DENND1A: variants seen among roughly 807,000 people sequenced by gnomAD.
DENND1A encodes the protein DENN domain containing 1A, also known as DENN domain-containing protein 1A.
Under a neutral mutation model 113.7 loss-of-function variants are expected in DENND1A, and 51 were observed. That is an observed-to-expected ratio of 0.45 (90% CI 0.36 to 0.57). DENND1A has a LOEUF of 0.57. Among genes scored for constraint, DENND1A ranks in the 20% least tolerant of loss-of-function variants. The probability of loss-of-function intolerance (pLI) is 0.00; values close to 1 mark genes in which losing one functional copy is unlikely to be tolerated. For missense variants in DENND1A, 1,258 were observed against 1,395.9 expected, an observed-to-expected ratio of 0.90 and a Z score of 1.57; for synonymous variants, 565 against 570.8, an observed-to-expected ratio of 0.99 and a Z score of 0.14.
At chr9:123,399,035 A>G (rs2043290248) in intron 21 of DENND1A, among the ~76,000 whole-genome samples, 1 of 151,108 alleles carries the variant, frequency 6.6e-6, no homozygotes, top group Non-Finnish European at 1.5e-5. Context: ...ACCTCAAGTG[A>G]CCCGCCCGCC....
chr9:123,633,450 A>G (rs1012590490), intron 9 of DENND1A, among the ~76,000 whole-genome samples: 1 of 152,076 alleles, frequency 6.6e-6, no homozygotes, highest in Non-Finnish European at 1.5e-5. Flanking sequence ...CAACATTCCC[A>G]TGAGTCTCAC....
At chr9:123,510,508 G>A (rs138170024) in intron 13 of DENND1A, among the ~76,000 whole-genome samples, 2 of 152,338 alleles carry the variant, frequency 1.3e-5, no homozygotes, top group Admixed American at 1.3e-4. Context: ...CACATGAGAT[G>A]GGCAGAGAAG....
intron 21 of DENND1A, among the ~76,000 whole-genome samples, chr9:123,390,362 C>A (rs1008649407): frequency 6.6e-6 from 1 of 152,222 alleles, no homozygotes; most frequent in African/African-American, 2.4e-5. Flanking sequence ...AAGTGCTCCC[C>A]CTCTGGGCTC....
rs1450345305 is a variant in DENND1A at position 123,671,386 on chromosome 9, A to C, written c.373-15T>G. The C allele has an allele frequency of 6.2e-7, 1 of 1,613,218 alleles. No individual in the cohort carries two copies. The highest frequency in any genetic ancestry group is 8.5e-7 in the Non-Finnish European group (1 of 1,179,704). Reference sequence around the variant, plus strand: ...CACTGATTTTCCTGAAAGAAATAAAAGGCCTAAGTAACAAAAGCAAGGCTG... The same window carrying C: ...CACTGATTTTCCTGAAAGAAATAAACGGCCTAAGTAACAAAAGCAAGGCTG... On this transcript the variant is annotated splice_polypyrimidine_tract_variant and intron_variant, in intron 6 of 23. Coordinates refer to ENST00000394215, the MANE Select transcript of DENND1A (RefSeq NM_001352964.2).
At chr9:123,615,519 G>C (rs1204805162) in intron 10 of DENND1A, among the ~76,000 whole-genome samples, 1 of 152,154 alleles carries the variant, frequency 6.6e-6, no homozygotes, top group Non-Finnish European at 1.5e-5. Context: ...CTCCTCCCCT[G>C]CTACCTTTTC....
chr9:123,854,117 T>C (rs1843788346), intron 2 of DENND1A, among the ~76,000 whole-genome samples: 1 of 152,104 alleles, frequency 6.6e-6, no homozygotes, highest in South Asian at 2.1e-4. Flanking sequence ...ATGAAAGTAT[T>C]TACAAATTCA....
chr9:123,782,010 C>A (rs904452856), intron 3 of DENND1A, among the ~76,000 whole-genome samples: 10 of 151,950 alleles, frequency 6.6e-5, no homozygotes, highest in Admixed American at 5.2e-4. Context: ...ACAGAGGTTG[C>A]AGTGAGCCAA....
intron 2 of DENND1A, among the ~76,000 whole-genome samples, chr9:123,831,939 T>G (rs1489313271): frequency 6.6e-6 from 1 of 151,962 alleles, no homozygotes; most frequent in East Asian, 1.9e-4. Context: ...GCTGAGATCA[T>G]GCCACTGCAC....
chr9:123,814,552 A>G lies in DENND1A; in HGVS notation c.89-21922T>C, dbSNP rs956170093. 2.0e-5 allele frequency among the ~76,000 whole-genome samples: 3 copies of G among 152,190 alleles called. No homozygotes were observed. In the South Asian group the frequency reaches 6.2e-4, roughly 31 times the overall value. On this transcript the variant is annotated intron_variant, in intron 2 of 23. Coordinates refer to ENST00000394215, the MANE Select transcript of DENND1A (RefSeq NM_001352964.2). The stretch of plus-strand genomic sequence containing the variant: ...AAGCATAATAAATTCAATTAGACAC[A>G]GTATGAGGTTTTCCTCAAAGCCATA...
intron 3 of DENND1A, among the ~76,000 whole-genome samples, chr9:123,790,173 A>G (rs555280473): frequency 6.6e-6 from 1 of 152,294 alleles, no homozygotes; most frequent in East Asian, 1.9e-4. Context: ...ATTCCTTTAT[A>G]ATAGTTTTAC....
Position 123,575,590 on chromosome 9 carries a change from G to A in DENND1A, c.867+7579C>T, listed in dbSNP as rs188172694. On this transcript the variant is annotated intron_variant, in intron 12 of 23. Coordinates refer to ENST00000394215, the MANE Select transcript of DENND1A (RefSeq NM_001352964.2). ...ATCACTGGTGATGTTAAAATTGATC[G>A]TTTGGTTAAGGTAGTGTCTGCCAGT... 1.2e-3 allele frequency among the ~76,000 whole-genome samples: 178 copies of A among 152,272 alleles called. 2 individuals are homozygous for A. Among genetic ancestry groups the A allele is most frequent in the African/African-American group, 4.0e-3 (165 of 41,542 alleles).
At chr9:123,871,290 C>T (rs1846563836) in intron 2 of DENND1A, among the ~76,000 whole-genome samples, 1 of 152,064 alleles carries the variant, frequency 6.6e-6, no homozygotes, top group Non-Finnish European at 1.5e-5. Flanking sequence ...CATCATGTTG[C>T]CCAGGCTGGT....
chr9:123,837,135 G>C (rs1201664763), intron 2 of DENND1A, among the ~76,000 whole-genome samples: 1 of 152,122 alleles, frequency 6.6e-6, no homozygotes, highest in African/African-American at 2.4e-5. Flanking sequence ...GCCAAGAAAG[G>C]GTCAGGATTT....
chr9:123,431,284 T>C (rs939949393), intron 19 of DENND1A, among the ~76,000 whole-genome samples: 2 of 152,250 alleles, frequency 1.3e-5, no homozygotes, highest in Non-Finnish European at 1.5e-5. Flanking sequence ...CAGAAAATCA[T>C]CCAACATGCC....
intron 1 of DENND1A, among the ~76,000 whole-genome samples, chr9:123,902,174 TACACACAC>T (rs9299289): frequency 0.011 from 1,416 of 132,136 alleles, 21 homozygotes; most frequent in African/African-American, 0.035. Context: ...CACACACACA[TACACACAC>T]ACACACACAC....
intron 10 of DENND1A, among the ~76,000 whole-genome samples, chr9:123,628,211 G>T (rs1423358342): frequency 6.6e-6 from 1 of 151,970 alleles, no homozygotes; most frequent in African/African-American, 2.4e-5. Flanking sequence ...GAGGCCAGTA[G>T]TGTGGATTCT....
intron 2 of DENND1A, among the ~76,000 whole-genome samples, chr9:123,871,231 C>T (rs1846553209): frequency 6.6e-6 from 1 of 152,070 alleles, no homozygotes; most frequent in Non-Finnish European, 1.5e-5. Flanking sequence ...CACAGGCATG[C>T]ACCACCATAC....
At position 123,444,965 on chromosome 9, in the gene DENND1A, G is replaced by A. The variant is rs142469175; in HGVS notation, c.1357-4474C>T. On this transcript the variant is annotated intron_variant, in intron 18 of 23. Transcript: ENST00000394215. The stretch of plus-strand genomic sequence containing the variant: ...CCACAGGGTGGCAAATCTCTTCCTG[G>A]AGCCCCGAGGCTCAGCTCAGAGAGT... 3.0e-3 allele frequency among the ~76,000 whole-genome samples: 457 copies of A among 152,348 alleles called. 5 individuals carry two copies. Among genetic ancestry groups the A allele is most frequent in the African/African-American group, 0.01 (435 of 41,580 alleles).
chr9:123,679,866 A>G (rs1416639421), intron 5 of DENND1A, among the ~76,000 whole-genome samples: 1 of 152,150 alleles, frequency 6.6e-6, no homozygotes, highest in Non-Finnish European at 1.5e-5. Context: ...CACCTTGGAC[A>G]TCTAACGGGG....
Sources: gnomAD v4.1 joint callset for allele counts (sites outside exome capture counted in the v4.1 genomes callset) on GRCh38, gnomAD v4.1.1 for gene constraint, MANE v1.5 for transcripts, NCBI Gene and HGNC (gene_info 2026-07-23, HGNC 2026-07-21) for gene names.